Variants in NRG3 observed in about 807,000 individuals in gnomAD.
The protein encoded by NRG3 is pro-neuregulin-3, membrane-bound isoform.
A neutral mutation model predicts 66.9 loss-of-function variants in NRG3; 31 were observed. The observed-to-expected ratio is 0.46, with a 90% CI of 0.35 to 0.63. The LOEUF (loss-of-function observed/expected upper bound fraction) is 0.63. NRG3 is among the 20% of genes least tolerant of loss of function. The pLI is 0.00. For missense variants in NRG3, 910 were observed against 878.9 expected (o/e 1.04, Z -0.45); for synonymous variants, 393 against 359.4 (o/e 1.09, Z -1.06).
At chr10:82,767,849 C>A (rs2059574685) in intron 3 of NRG3, among the ~76,000 whole-genome samples, 1 of 151,234 alleles carries the variant, frequency 6.6e-6, no homozygotes, top group Non-Finnish European at 1.5e-5. Flanking sequence ...ATAATATTTT[C>A]TTATTTTCTA....
chr10:82,281,849 A>C (rs2079138103), intron 1 of NRG3, among the ~76,000 whole-genome samples: 1 of 152,152 alleles, frequency 6.6e-6, no homozygotes. Flanking sequence ...TGTCTGTATC[A>C]GTTTTTAATT....
intron 1 of NRG3, among the ~76,000 whole-genome samples, chr10:82,014,756 G>T (rs2061714175): frequency 6.6e-6 from 1 of 152,144 alleles, no homozygotes; most frequent in African/African-American, 2.4e-5. Flanking sequence ...CCAGACTGTA[G>T]GGCAGATTCT....
chr10:82,846,269 C>A (rs1380722331), intron 3 of NRG3, among the ~76,000 whole-genome samples: 1 of 152,064 alleles, frequency 6.6e-6, no homozygotes, highest in African/African-American at 2.4e-5. Flanking sequence ...AGATAGCAAA[C>A]AAGCTTGGCA....
At chr10:82,201,212 A>T (rs2074800461) in intron 1 of NRG3, among the ~76,000 whole-genome samples, 1 of 151,420 alleles carries the variant, frequency 6.6e-6, no homozygotes, top group Middle Eastern at 3.4e-3. Context: ...AAAAAAAAAA[A>T]AAAAAGACAG....
intron 2 of NRG3, among the ~76,000 whole-genome samples, chr10:82,412,776 C>T (rs150794310): frequency 6.6e-6 from 1 of 152,290 alleles, no homozygotes; most frequent in Non-Finnish European, 1.5e-5. Context: ...ATTCTAAATC[C>T]TGTGTTGTCA....
chr10:82,119,035 C>G (rs920374495), intron 1 of NRG3, among the ~76,000 whole-genome samples: 2 of 152,082 alleles, frequency 1.3e-5, no homozygotes, highest in African/African-American at 4.8e-5. Flanking sequence ...AAATTGACAA[C>G]TTATAATTTC....
At position 82,831,280 on chromosome 10, in the gene NRG3, G is replaced by A. The variant is rs184105754; in HGVS notation, c.1028-34131G>A. Among the ~76,000 whole-genome samples the A allele has an allele frequency of 1.6e-4, 24 of 152,270 alleles. No homozygotes were observed. In the East Asian group the frequency reaches 2.5e-3, roughly 16 times the overall value. On this transcript the variant is annotated intron_variant, in intron 3 of 8. Coordinates refer to ENST00000372141, the MANE Select transcript of NRG3 (RefSeq NM_001010848.4). ...ACTCAACAATATTTTAGGGAAACAA[G>A]AAGTCTACTTAACTGATAGGAGTCA...
chr10:82,331,593 T>C (rs952731368), intron 1 of NRG3, among the ~76,000 whole-genome samples: 1 of 152,026 alleles, frequency 6.6e-6, no homozygotes, highest in African/African-American at 2.4e-5. Context: ...TTTGGAGACA[T>C]CAGAAGGAAA....
chr10:82,093,668 G>A (rs2066162516), intron 1 of NRG3, among the ~76,000 whole-genome samples: 1 of 152,146 alleles, frequency 6.6e-6, no homozygotes, highest in Non-Finnish European at 1.5e-5. Context: ...CATAAAACAT[G>A]AATTTCTAAT....
chr10:82,006,392 C>T lies in NRG3; in HGVS notation c.823+130229C>T, dbSNP rs1176513716. 2.6e-5 allele frequency among the ~76,000 whole-genome samples: 4 copies of T among 152,072 alleles called. No homozygotes were observed. The East Asian group carries it at 5.8e-4, about 22-fold the overall frequency. On this transcript the variant is annotated intron_variant, in intron 1 of 8. Coordinates refer to ENST00000372141, the MANE Select transcript of NRG3 (RefSeq NM_001010848.4). ...CTGTGAGATTTGTAACTATCTTCTT[C>T]CAACCTGTGGCTTTCTTTTTACTTT...
rs991277948 is a variant in NRG3 at position 82,703,259 on chromosome 10, C to T, written c.954-35318C>T. Among the ~76,000 whole-genome samples, 5 of 152,236 alleles carry T rather than the reference C, an allele frequency of 3.3e-5. No homozygotes were observed. In the East Asian group the frequency reaches 9.6e-4, roughly 29 times the overall value. On this transcript the variant is annotated intron_variant, in intron 2 of 8. Coordinates refer to ENST00000372141, the MANE Select transcript of NRG3 (RefSeq NM_001010848.4). Reference sequence around the variant, plus strand: ...TTCTATGCTAACAAACTGAAAGAAACATGGTGTTTTATATTCCTCCTTAGA... The same window carrying T: ...TTCTATGCTAACAAACTGAAAGAAATATGGTGTTTTATATTCCTCCTTAGA...
At chr10:82,890,115 A>G (rs1843019191) in intron 4 of NRG3, among the ~76,000 whole-genome samples, 1 of 143,970 alleles carries the variant, frequency 6.9e-6, no homozygotes. Context: ...GGGACTCTAG[A>G]TGATCTGCTA....
intron 2 of NRG3, among the ~76,000 whole-genome samples, chr10:82,721,126 T>TTA (rs2057292554): frequency 2.9e-5 from 1 of 34,100 alleles, no homozygotes; most frequent in Non-Finnish European, 5.6e-5. Context: ...TTTCACCCTT[T>TTA]TTTTTTTTTT....
intron 1 of NRG3, among the ~76,000 whole-genome samples, chr10:81,931,530 T>G (rs1365108116): frequency 1.3e-5 from 2 of 152,162 alleles, no homozygotes; most frequent in Non-Finnish European, 2.9e-5. Context: ...TGGGTTGTGG[T>G]CCCTCTCTCT....
intron 1 of NRG3, among the ~76,000 whole-genome samples, chr10:82,069,800 T>C (rs1246419855): frequency 2.0e-5 from 3 of 152,192 alleles, no homozygotes; most frequent in African/African-American, 7.2e-5. Flanking sequence ...GGTAAATTAA[T>C]TGGTACAAAC....
intron 2 of NRG3, among the ~76,000 whole-genome samples, chr10:82,666,682 A>G (rs1286096653): frequency 3.9e-5 from 6 of 152,120 alleles, no homozygotes; most frequent in Non-Finnish European, 4.4e-5. Flanking sequence ...TCTTCCCACC[A>G]TGGCTAGAGT....
intron 1 of NRG3, among the ~76,000 whole-genome samples, chr10:82,036,697 C>G (rs2062806533): frequency 6.6e-6 from 1 of 152,088 alleles, no homozygotes; most frequent in African/African-American, 2.4e-5. Flanking sequence ...TAGCAGTTCT[C>G]TAGAACTTTT....
At chr10:82,362,725 T>A (rs765997227) in intron 2 of NRG3, among the ~76,000 whole-genome samples, 16 of 151,792 alleles carry the variant, frequency 1.1e-4, no homozygotes, top group Non-Finnish European at 2.1e-4. Context: ...CACAGGCTAA[T>A]TAGTGAAAAC....
At chr10:82,234,524 AC>A (rs1265163193) in intron 1 of NRG3, among the ~76,000 whole-genome samples, 2 of 152,220 alleles carry the variant, frequency 1.3e-5, no homozygotes, top group Non-Finnish European at 2.9e-5. Flanking sequence ...CAGTTCAATC[AC>A]AGAGTAATAA....
Sources: allele counts gnomAD v4.1 joint callset (sites outside exome capture counted in the v4.1 genomes callset), GRCh38; gene constraint gnomAD v4.1.1; transcripts MANE v1.5; gene names NCBI Gene and HGNC (gene_info 2026-07-23, HGNC 2026-07-21).